Variants in ZNF429 observed in about 807,000 individuals in gnomAD.
The protein encoded by ZNF429 is zinc finger protein 429.
ZNF429 carries 53 observed loss-of-function variants against 56.8 expected under a neutral mutation model. The ratio of observed to expected loss-of-function variants is 0.93; its 90% CI spans 0.75 to 1.17. ZNF429 has a LOEUF of 1.17. ZNF429 is among the 50% of genes most tolerant of loss of function. The probability of loss-of-function intolerance (pLI) is 0.00; values close to 1 mark genes in which losing one functional copy is unlikely to be tolerated. For synonymous variants in ZNF429, 278 were observed against 264.7 expected (o/e 1.05, Z -0.49); for missense variants, 849 against 788.4 (o/e 1.08, Z -0.92).
Position 21,538,194 on chromosome 19 carries a change from G to A in ZNF429, c.*116G>A, listed in dbSNP as rs2033797196. ...CTCGGGAGGCTGAGGCAGGAGAATG[G>A]CCTGAACCCGGAGGTGGAGCTTGCA... On this transcript the variant is annotated 3_prime_UTR_variant, in exon 4 of 4. Transcript: ENST00000358491. The A allele has an allele frequency of 9.0e-6, 4 of 443,702 alleles. No individual in the cohort carries two copies. The East Asian group carries it at 1.3e-4, about 14-fold the overall frequency. The allele number at this position is 443,702 out of a possible 1,614,324, so 27.5% of individuals were successfully genotyped here. A position where few individuals can be genotyped will look rare whatever the true frequency, so the allele number is the denominator to read the frequency against.
chr19:21,524,735 G>T (rs757073307), intron 1 of ZNF429, among the ~76,000 whole-genome samples: 1 of 152,096 alleles, frequency 6.6e-6, no homozygotes, highest in Non-Finnish European at 1.5e-5. Context: ...AATTAGCTAG[G>T]TATATTTCAG....
At chr19:21,535,376 T>TTTTA in intron 3 of ZNF429, among the ~76,000 whole-genome samples, 2 of 68,658 alleles carry the variant, frequency 2.9e-5, no homozygotes, top group Admixed American at 1.4e-4. Flanking sequence ...TTTCTTTCTT[T>TTTTA]CTTTTTTACT....
At chr19:21,528,564 G>A (rs1029367018) in intron 1 of ZNF429, among the ~76,000 whole-genome samples, 8 of 151,974 alleles carry the variant, frequency 5.3e-5, no homozygotes, top group African/African-American at 1.9e-4. Context: ...AATTAGCCGG[G>A]CGTGGTGGCA....
chr19:21,509,385 G>T (rs2032345589), intron 1 of ZNF429, among the ~76,000 whole-genome samples: 1 of 152,192 alleles, frequency 6.6e-6, no homozygotes, highest in African/African-American at 2.4e-5. Context: ...GGTATGAAAT[G>T]TAAGCATTGT....
intron 3 of ZNF429, among the ~76,000 whole-genome samples, chr19:21,535,319 CTT>C: frequency 6.7e-5 from 9 of 134,534 alleles, no homozygotes; most frequent in African/African-American, 2.5e-4. Context: ...TTCTTTCTTT[CTT>C]TCTTTCTCTT....
chr19:21,520,288 G>A (rs111690049), intron 1 of ZNF429, among the ~76,000 whole-genome samples: 2 of 152,332 alleles, frequency 1.3e-5, no homozygotes, highest in African/African-American at 4.8e-5. Flanking sequence ...CTAAAATTCA[G>A]ATGTCCAAGG....
Position 21,537,969 on chromosome 19 carries a change from A to T in ZNF429, c.1916A>T (p.His639Leu), listed in dbSNP as rs749853570. The change falls in exon 4 of 4, where the codon CAT becomes CTT. Residue 639 changes from histidine (H) to leucine (L), a missense_variant. His to Leu is a moderately conservative substitution (Grantham distance 99). Coordinates refer to ENST00000358491, the MANE Select transcript of ZNF429 (RefSeq NM_001001415.4). The stretch of plus-strand genomic sequence containing the variant: ...ACCCGGTCTTCAAGACTTACTCAAC[A>T]TAAGAAAATTCATAGGATGGGTGTG... ...AFTRSSRLTQ[H>L]KKIHRMGVVA... is the part of the protein sequence containing the mutation. The T allele has an allele frequency of 2.5e-6, 4 of 1,614,032 alleles. No homozygotes were observed. The highest frequency in any genetic ancestry group is 3.4e-6 in the Non-Finnish European group (4 of 1,180,042).
At chr19:21,521,287 A>T (rs549102519) in intron 1 of ZNF429, 1 of 152,218 alleles carries the variant, frequency 6.6e-6, no homozygotes, top group Non-Finnish European at 1.5e-5. Context: ...TTAGTTAACT[A>T]TGTTTCAATC....
chr19:21,511,784 A>ACT (rs1474561836), intron 1 of ZNF429, among the ~76,000 whole-genome samples: 1 of 152,148 alleles, frequency 6.6e-6, no homozygotes, highest in Non-Finnish European at 1.5e-5. Context: ...CAGCCTGGGC[A>ACT]CCATTGAACA....
At chr19:21,508,623 AATCT>A (rs1336439866) in intron 1 of ZNF429, among the ~76,000 whole-genome samples, 3 of 152,180 alleles carry the variant, frequency 2.0e-5, no homozygotes, top group Admixed American at 6.5e-5. Context: ...GCTTCAGAAA[AATCT>A]ATCTTTTTTT....
rs1383080450 is a variant in ZNF429, at chr19:21,505,750, A to G, written c.-22A>G. 1.2e-6 allele frequency: 2 copies of G among 1,609,716 alleles called. No homozygotes were observed. Among genetic ancestry groups the G allele is most frequent in the Admixed American group, 1.7e-5 (1 of 59,854 alleles). On this transcript the variant is annotated 5_prime_UTR_variant, in exon 1 of 4. Transcript: ENST00000358491. ...TTGGGAGATACACAGCTAAGACTCCAGGACCCCCTGGAAGCCTAGAAATGG... is the reference window on the plus strand; with the variant it reads ...TTGGGAGATACACAGCTAAGACTCCGGGACCCCCTGGAAGCCTAGAAATGG...
At chr19:21,528,802 T>C (rs1055645564) in intron 1 of ZNF429, among the ~76,000 whole-genome samples, 2 of 152,188 alleles carry the variant, frequency 1.3e-5, no homozygotes, top group Non-Finnish European at 2.9e-5. Flanking sequence ...CAGACTGTAA[T>C]CTACTTTTAG....
rs1402239609 is a variant in ZNF429, at chr19:21,540,502, G to T, written c.*2424G>T. 1.3e-5 allele frequency among the ~76,000 whole-genome samples: 2 copies of T among 151,818 alleles called. No individual in the cohort carries two copies. Among genetic ancestry groups the T allele is most frequent in the Non-Finnish European group, 2.9e-5 (2 of 67,952 alleles). Reference sequence around the variant, plus strand: ...TAATAATTACATCAATTACATCAGGGTAAATTATGTAGCCATTACTTGTAA... The same window carrying T: ...TAATAATTACATCAATTACATCAGGTTAAATTATGTAGCCATTACTTGTAA... On this transcript the variant is annotated 3_prime_UTR_variant, in exon 4 of 4. Coordinates refer to ENST00000358491, the MANE Select transcript of ZNF429 (RefSeq NM_001001415.4).
intron 1 of ZNF429, among the ~76,000 whole-genome samples, chr19:21,507,063 C>T (rs554341101): frequency 6.6e-6 from 1 of 152,102 alleles, no homozygotes; most frequent in Non-Finnish European, 1.5e-5. Flanking sequence ...CCACGGCTCC[C>T]GGCTTGAGTT....
chr19:21,536,873 A>G lies in ZNF429; in HGVS notation c.820A>G (p.Thr274Ala), dbSNP rs1472535840. The change falls in exon 4 of 4, where the codon ACC (threonine) becomes GCC (alanine). Residue 274 changes from threonine to alanine, a missense_variant. Thr to Ala is a moderately conservative substitution (Grantham distance 58). Coordinates refer to ENST00000358491, the MANE Select transcript of ZNF429 (RefSeq NM_001001415.4). ...CTTTAGCAGGTACTCAACCCTTACT[A>G]CCCATAAGAGAATTCATTCTGGAGA... ...KAFSRYSTLT[T>A]HKRIHSGEKP... 1 of 1,613,532 alleles carries G rather than the reference A, an allele frequency of 6.2e-7. No homozygotes were observed. The highest frequency in any genetic ancestry group is 1.1e-5 in the South Asian group (1 of 91,016).
rs760651413 is a variant in ZNF429 at position 21,536,318 on chromosome 19, C to T, written c.265C>T (p.Gln89Ter). 1 of 1,604,434 alleles carries T rather than the reference C, an allele frequency of 6.2e-7. No individual in the cohort carries two copies. Among genetic ancestry groups the T allele is most frequent in the South Asian group, 1.1e-5 (1 of 89,830 alleles). ...TTTTGCTGAAGACTTTTGGCCAGAG[C>T]AAGACATAAAAGATTCTTTCCAAAA... ...SHFAEDFWPE[Q>*]DIKDSFQKVT... Residue 89 changes from glutamine (Q) to a stop codon, truncating the protein, a stop_gained, in exon 4 of 4, where the codon CAA (glutamine) becomes TAA (stop). Coordinates refer to ENST00000358491, the MANE Select transcript of ZNF429 (RefSeq NM_001001415.4). LOFTEE classifies it high-confidence loss of function.
intron 1 of ZNF429, among the ~76,000 whole-genome samples, chr19:21,522,525 A>G (rs1202838256): frequency 6.6e-6 from 1 of 152,188 alleles, no homozygotes; most frequent in Non-Finnish European, 1.5e-5. Context: ...ATTACCATAC[A>G]TGATATAAAC....
At chr19:21,536,085 T>C in intron 3 of ZNF429, among the ~76,000 whole-genome samples, 195 bp from the exon 4 acceptor site, 4 of 152,074 alleles carry the variant, frequency 2.6e-5, no homozygotes, top group South Asian at 2.1e-4. Flanking sequence ...ATATAACTTA[T>C]TGATAAATTA....
chr19:21,533,327 G>A, intron 3 of ZNF429, among the ~76,000 whole-genome samples: 3 of 151,902 alleles, frequency 2.0e-5, no homozygotes, highest in South Asian at 4.1e-4. Flanking sequence ...AGTTTCAAGA[G>A]GTGTTTATAT....
Sources: allele counts gnomAD v4.1 joint callset (sites outside exome capture counted in the v4.1 genomes callset), GRCh38; gene constraint gnomAD v4.1.1; transcripts MANE v1.5; gene names NCBI Gene and HGNC (gene_info 2026-07-23, HGNC 2026-07-21).